The following CREB5 variants were observed in gnomAD, a reference collection of about 807,000 sequenced individuals.
The protein encoded by CREB5 is cAMP responsive element binding protein 5.
A neutral mutation model predicts 57.1 loss-of-function variants in CREB5; 19 were observed. The observed-to-expected ratio is 0.33, with a 90% CI of 0.23 to 0.49. The LOEUF (loss-of-function observed/expected upper bound fraction) is 0.49, where lower values mean the gene tolerates loss of function less well. Ranked by LOEUF, CREB5 falls within the 20% of genes least tolerant of loss-of-function variation. The pLI is 0.99. For missense variants in CREB5, 579 were observed against 671.6 expected (o/e 0.86, Z 1.52); for synonymous variants, 238 against 238.3 (o/e 1.00, Z 0.01).
intron 5 of CREB5, among the ~76,000 whole-genome samples, chr7:28,691,081 G>T (rs1801229609): frequency 6.6e-6 from 1 of 152,170 alleles, no homozygotes; most frequent in South Asian, 2.1e-4. Flanking sequence ...ATGGAGGTGA[G>T]TGAATTCAGT....
chr7:28,578,198 T>C (rs1795977415), intron 5 of CREB5, among the ~76,000 whole-genome samples: 1 of 152,196 alleles, frequency 6.6e-6, no homozygotes, highest in African/African-American at 2.4e-5. Flanking sequence ...AATGAGAGTA[T>C]GTAGTCTCCC....
intron 4 of CREB5, among the ~76,000 whole-genome samples, chr7:28,560,901 C>CGTGCGTGTGCGTGCGT (rs1368518820): frequency 3.2e-4 from 7 of 21,650 alleles, no homozygotes; most frequent in Non-Finnish European, 6.6e-4. Context: ...TGTGTGCGTG[C>CGTGCGTGTGCGTGCGT]GCGCGTGCGT....
intron 7 of CREB5, among the ~76,000 whole-genome samples, chr7:28,734,746 A>G (rs1014176557): frequency 2.1e-4 from 32 of 152,198 alleles, no homozygotes; most frequent in Admixed American, 3.9e-4. Flanking sequence ...TTATTTCTAT[A>G]ATACAGGAGG....
At chr7:28,416,962 CA>C (rs11336342) in intron 1 of CREB5, among the ~76,000 whole-genome samples, 32,462 of 151,998 alleles carry the variant, frequency 0.21, 4,379 homozygotes, top group South Asian at 0.31. Context: ...ATTAGCAAAA[CA>C]AAAGGGGGGA....
intron 3 of CREB5, among the ~76,000 whole-genome samples, chr7:28,496,286 G>A (rs1792041877): frequency 6.6e-6 from 1 of 152,160 alleles, no homozygotes; most frequent in African/African-American, 2.4e-5. Context: ...TGTATTAGAA[G>A]AGAAACAAAC....
chr7:28,316,252 G>A (rs1583666382), intron 1 of CREB5, among the ~76,000 whole-genome samples: 2 of 152,222 alleles, frequency 1.3e-5, no homozygotes, highest in South Asian at 2.1e-4. Context: ...GTTGATGAAC[G>A]TAAATCTGTC....
chr7:28,649,394 G>C (rs1185215112), intron 5 of CREB5, among the ~76,000 whole-genome samples: 2 of 152,206 alleles, frequency 1.3e-5, no homozygotes, highest in Non-Finnish European at 2.9e-5. Flanking sequence ...CACAAATAAA[G>C]TTTTATTGGA....
At chr7:28,354,592 AC>A (rs1583704410) in intron 1 of CREB5, among the ~76,000 whole-genome samples, 1 of 152,132 alleles carries the variant, frequency 6.6e-6, no homozygotes, top group Admixed American at 6.5e-5. Flanking sequence ...CCTCCAGAGA[AC>A]CCTGACTAAT....
At chr7:28,619,201 C>A (rs778382949) in intron 5 of CREB5, among the ~76,000 whole-genome samples, 3 of 152,196 alleles carry the variant, frequency 2.0e-5, no homozygotes, top group Non-Finnish European at 2.9e-5. Context: ...AAGTTATGAA[C>A]TTGCTCAAAG....
rs112966982 is a variant in CREB5, at chr7:28,488,863, A to C, written c.75+617A>C. 4.6e-5 allele frequency among the ~76,000 whole-genome samples: 7 copies of C among 152,322 alleles called. 1 individual carries two copies. Among genetic ancestry groups the C allele is most frequent in the African/African-American group, 1.7e-4 (7 of 41,572 alleles). Reference sequence around the variant, plus strand: ...AGATACTGCTGGTAGAGTGTTTAACATAGGGTCTGCACACAATACGAGCTC... The same window carrying C: ...AGATACTGCTGGTAGAGTGTTTAACCTAGGGTCTGCACACAATACGAGCTC... On this transcript the variant is annotated intron_variant, in intron 2 of 10. Coordinates refer to ENST00000357727, the MANE Select transcript of CREB5 (RefSeq NM_182898.4).
chr7:28,694,031 T>C (rs1801410061), intron 5 of CREB5, among the ~76,000 whole-genome samples: 1 of 152,212 alleles, frequency 6.6e-6, no homozygotes, highest in Admixed American at 6.5e-5. Context: ...TTTAATGTAC[T>C]GTAGTTTATT....
chr7:28,448,353 CCTGA>C (rs1467198042), intron 1 of CREB5, among the ~76,000 whole-genome samples: 1 of 152,140 alleles, frequency 6.6e-6, no homozygotes, highest in East Asian at 1.9e-4. Context: ...TCTAGAGAAC[CCTGA>C]CTAACACAGT....
chr7:28,680,587 G>T (rs552070189), intron 5 of CREB5, among the ~76,000 whole-genome samples: 2 of 151,988 alleles, frequency 1.3e-5, no homozygotes, highest in East Asian at 1.9e-4. Flanking sequence ...GGGAGACTTT[G>T]TCTCTACAAA....
At chr7:28,486,670 T>TATATATATATATATATATA (rs1791559846) in intron 1 of CREB5, among the ~76,000 whole-genome samples, 1 of 89,116 alleles carries the variant, frequency 1.1e-5, no homozygotes, top group Non-Finnish European at 2.3e-5. Context: ...TCCTATGATT[T>TATATATATATATATATATA]TATATATATA....
At chr7:28,472,166 A>C (rs1168684277) in intron 1 of CREB5, among the ~76,000 whole-genome samples, 1 of 23,948 alleles carries the variant, frequency 4.2e-5, no homozygotes, top group African/African-American at 9.8e-5. Flanking sequence ...AAAAAAAAAA[A>C]CATAGTAATG....
At chr7:28,523,464 T>C (rs1793298070) in intron 4 of CREB5, among the ~76,000 whole-genome samples, 1 of 152,110 alleles carries the variant, frequency 6.6e-6, no homozygotes, top group South Asian at 2.1e-4. Flanking sequence ...GAACTGCTAG[T>C]GATATAAAGG....
chr7:28,606,653 T>C (rs985059730), intron 5 of CREB5, among the ~76,000 whole-genome samples: 3 of 152,208 alleles, frequency 2.0e-5, no homozygotes, highest in Non-Finnish European at 2.9e-5. Flanking sequence ...TTTTCCTCTT[T>C]TCTTTTTAAT....
intron 1 of CREB5, among the ~76,000 whole-genome samples, chr7:28,413,133 A>G (rs1461771278): frequency 7.7e-6 from 1 of 130,148 alleles, no homozygotes; most frequent in African/African-American, 2.7e-5. Context: ...TGTGAATAAG[A>G]CTATTATTTC....
intron 5 of CREB5, among the ~76,000 whole-genome samples, chr7:28,581,823 C>A (rs899743905): frequency 6.6e-6 from 1 of 152,164 alleles, no homozygotes; most frequent in African/African-American, 2.4e-5. Context: ...GCAAGGGAGG[C>A]GCCATGTCTG....
Sources: allele counts gnomAD v4.1 joint callset (sites outside exome capture counted in the v4.1 genomes callset), GRCh38; gene constraint gnomAD v4.1.1; transcripts MANE v1.5; gene names NCBI Gene and HGNC (gene_info 2026-07-23, HGNC 2026-07-21).